Variants in KIAA1671 observed in about 807,000 individuals in gnomAD.
The protein encoded by KIAA1671 is KIAA1671, also known as uncharacterized protein KIAA1671.
In KIAA1671, 52 loss-of-function variants were observed where a neutral mutation model predicts 131.2. The observed-to-expected ratio is 0.40, with a 90% CI of 0.32 to 0.50. The LOEUF (loss-of-function observed/expected upper bound fraction) is 0.50. Among genes scored for constraint, KIAA1671 ranks in the 20% least tolerant of loss-of-function variants. The pLI, the probability that KIAA1671 is intolerant of heterozygous loss-of-function variation, is 0.73. For missense variants in KIAA1671, 2,360 were observed against 2,364.2 expected (o/e 1.00, Z 0.04); for synonymous variants, 1,003 against 961.6 (o/e 1.04, Z -0.80).
chr22:25,124,563 T>C (rs1433774996), intron 6 of KIAA1671, among the ~76,000 whole-genome samples: 1 of 152,196 alleles, frequency 6.6e-6, no homozygotes, highest in Non-Finnish European at 1.5e-5. Context: ...CTAGTCAGCT[T>C]TGGGACCTCA....
chr22:24,989,954 T>C (rs569739904), intron 1 of KIAA1671, among the ~76,000 whole-genome samples: 2 of 152,318 alleles, frequency 1.3e-5, no homozygotes, highest in Admixed American at 6.5e-5. Context: ...AGAGAGCTTT[T>C]TCTAGCTCTT....
chr22:25,133,324 T>TG (rs1335308160), intron 6 of KIAA1671, among the ~76,000 whole-genome samples: 5 of 152,184 alleles, frequency 3.3e-5, no homozygotes, highest in Non-Finnish European at 5.9e-5. Flanking sequence ...ATGCTAAGTC[T>TG]GGGGGAGAAA....
intron 6 of KIAA1671, among the ~76,000 whole-genome samples, chr22:25,114,024 C>T (rs1931528005): frequency 6.6e-6 from 1 of 152,152 alleles, no homozygotes; most frequent in Non-Finnish European, 1.5e-5. Context: ...GGCATGAATC[C>T]CCTAGGCGTC....
intron 1 of KIAA1671, among the ~76,000 whole-genome samples, 190 bp from the exon 2 acceptor site, chr22:25,025,443 T>G (rs1018628761): frequency 6.6e-5 from 10 of 152,280 alleles, no homozygotes; most frequent in African/African-American, 2.4e-4. Flanking sequence ...ATTGAGCACG[T>G]ACTGTGGGCT....
intron 6 of KIAA1671, among the ~76,000 whole-genome samples, chr22:25,132,320 C>T (rs1932478692): frequency 2.0e-5 from 3 of 152,170 alleles, no homozygotes; most frequent in Admixed American, 6.5e-5. Flanking sequence ...GAGATGCAGT[C>T]CAGGCGGTTG....
In KIAA1671 at chr22:25,040,822, C is replaced by T. The variant is rs1040595211; in HGVS notation, c.3692C>T (p.Thr1231Met). Residue 1231 changes from threonine to methionine, a missense_variant, in exon 5 of 13, where the codon ACG (threonine) becomes ATG (methionine). Thr to Met is a moderately conservative substitution (Grantham distance 81). Coordinates refer to ENST00000358431, the MANE Select transcript of KIAA1671 (RefSeq NM_001145206.2). ...ERRSPTVEPS[T>M]LPRERPVQLG... Reference sequence around the variant, plus strand: ...AGGAGTCCCACCGTGGAGCCCAGTACGTTGCCTCGGGAGAGGCCTGTTCAG... The same window carrying T: ...AGGAGTCCCACCGTGGAGCCCAGTATGTTGCCTCGGGAGAGGCCTGTTCAG... The T allele has an allele frequency of 2.5e-5, 39 of 1,551,480 alleles. No homozygotes were observed. The highest frequency in any genetic ancestry group is 5.5e-5 in the African/African-American group (4 of 73,022).
intron 6 of KIAA1671, among the ~76,000 whole-genome samples, chr22:25,092,348 T>C (rs371193300): frequency 9.2e-5 from 14 of 152,172 alleles, no homozygotes; most frequent in Middle Eastern, 3.4e-3. Flanking sequence ...AGGCCCTGCA[T>C]TGGGAACAAG....
intron 1 of KIAA1671, among the ~76,000 whole-genome samples, chr22:24,967,043 A>C (rs1922340349): frequency 6.6e-6 from 1 of 152,106 alleles, no homozygotes; most frequent in Non-Finnish European, 1.5e-5. Context: ...TGTGTTCTTG[A>C]GTATACCCCC....
At chr22:24,977,922 C>T (rs1922998598) in intron 1 of KIAA1671, among the ~76,000 whole-genome samples, 1 of 152,210 alleles carries the variant, frequency 6.6e-6, no homozygotes, top group South Asian at 2.1e-4. Flanking sequence ...CCTGGACCTG[C>T]ATAGCTTCTT....
intron 6 of KIAA1671, among the ~76,000 whole-genome samples, chr22:25,161,632 G>A (rs1377295393): frequency 1.3e-5 from 2 of 152,238 alleles, no homozygotes; most frequent in African/African-American, 4.8e-5. Context: ...AGCTGCTGGA[G>A]GGATGGGAGC....
chr22:25,118,235 T>A lies in KIAA1671; in HGVS notation c.4531-52585T>A, dbSNP rs190017489. ...CTCACCTCTTCCAGCTTCTGGTGGT[T>A]CCAGGCATTCTTTGGCTTGTGGCCA... On this transcript the variant is annotated intron_variant, in intron 6 of 12. Transcript: ENST00000358431. Among the ~76,000 whole-genome samples, 1,129 of 151,834 alleles carry A rather than the reference T, an allele frequency of 7.4e-3. 6 individuals are homozygous for A. Among genetic ancestry groups the A allele is most frequent in the Middle Eastern group, 0.017 (5 of 292 alleles).
chr22:25,029,382 C>T lies in KIAA1671; in HGVS notation c.1383C>T (p.Ala461=). ...CAGTGGGGTCTGAATCTCCCCTGGC[C>T]ACCCCTGCGTCCCCATCGGCGGCAC... ...ALAVGSESPL[A]TPASPSAAPE... The change falls in exon 3 of 13, where the codon GCC becomes GCT. Residue 461 remains alanine, a synonymous_variant. Transcript: ENST00000358431. 1 of 1,551,412 alleles carries T rather than the reference C, an allele frequency of 6.4e-7. No individual in the cohort carries two copies. Among genetic ancestry groups the T allele is most frequent in the Non-Finnish European group, 8.7e-7 (1 of 1,146,838 alleles).
At chr22:24,997,472 C>T (rs1223702133) in intron 1 of KIAA1671, among the ~76,000 whole-genome samples, 1 of 152,090 alleles carries the variant, frequency 6.6e-6, no homozygotes, top group Non-Finnish European at 1.5e-5. Context: ...ACAATCATGA[C>T]AAAGCTGACA....
At chr22:24,982,131 A>G (rs1923265244) in intron 1 of KIAA1671, among the ~76,000 whole-genome samples, 1 of 152,186 alleles carries the variant, frequency 6.6e-6, no homozygotes, top group Non-Finnish European at 1.5e-5. Flanking sequence ...TTCTTATGTT[A>G]TTATTCCTCT....
intron 11 of KIAA1671, among the ~76,000 whole-genome samples, chr22:25,189,092 G>C (rs1470698190): frequency 6.6e-6 from 1 of 151,330 alleles, no homozygotes; most frequent in Non-Finnish European, 1.5e-5. Context: ...AGTCCAAAAG[G>C]CTTCCCTCTT....
intron 5 of KIAA1671, among the ~76,000 whole-genome samples, chr22:25,046,358 T>TCTTG (rs1186952255): frequency 7.4e-6 from 1 of 135,164 alleles, no homozygotes; most frequent in Non-Finnish European, 1.5e-5. Flanking sequence ...GGTGAGGGTT[T>TCTTG]CTTGATTTAC....
At chr22:25,032,164 G>A (rs2145793216) in intron 3 of KIAA1671, among the ~76,000 whole-genome samples, 1 of 152,322 alleles carries the variant, frequency 6.6e-6, no homozygotes, top group African/African-American at 2.4e-5. Context: ...TGGGGCTGCT[G>A]TTTTACCTGG....
intron 6 of KIAA1671, among the ~76,000 whole-genome samples, chr22:25,158,802 C>T (rs958519516): frequency 6.6e-6 from 1 of 152,174 alleles, no homozygotes; most frequent in East Asian, 1.9e-4. Flanking sequence ...GACTAAATGT[C>T]ACGGCCCAGC....
chr22:25,188,452 GT>G (rs1934552386), intron 11 of KIAA1671, among the ~76,000 whole-genome samples: 1 of 52,242 alleles, frequency 1.9e-5, no homozygotes, highest in Non-Finnish European at 3.6e-5. Flanking sequence ...AATCGGGTGT[GT>G]GTGTGTGTGT....
Sources: gnomAD v4.1 joint callset for allele counts (sites outside exome capture counted in the v4.1 genomes callset) on GRCh38, gnomAD v4.1.1 for gene constraint, MANE v1.5 for transcripts, NCBI Gene and HGNC (gene_info 2026-07-23, HGNC 2026-07-21) for gene names.